The following SLC15A5 variants were observed in gnomAD, a reference collection of about 807,000 sequenced individuals.
SLC15A5 encodes the protein solute carrier family 15 member 5.
Under a neutral mutation model 56.1 loss-of-function variants are expected in SLC15A5, and 58 were observed. That is an observed-to-expected ratio of 1.03 (90% CI 0.84 to 1.29). The LOEUF is 1.29. Ranked by LOEUF, SLC15A5 falls within the 50% of genes most tolerant of loss-of-function variation. SLC15A5 has a pLI of 0.00. For missense variants in SLC15A5, 681 were observed against 672.1 expected, an observed-to-expected ratio of 1.01 and a Z score of -0.15; for synonymous variants, 264 against 250.5, an observed-to-expected ratio of 1.05 and a Z score of -0.51.
intron 2 of SLC15A5, among the ~76,000 whole-genome samples, chr12:16,262,761 T>C (rs1240526571): frequency 1.3e-5 from 2 of 152,290 alleles, no homozygotes; most frequent in South Asian, 2.1e-4. Flanking sequence ...GGGTCTTTTC[T>C]GTGATGCTCT....
intron 7 of SLC15A5, among the ~76,000 whole-genome samples, chr12:16,200,179 AAAT>A (rs1032665561): frequency 2.8e-4 from 42 of 151,124 alleles, no homozygotes; most frequent in African/African-American, 1.0e-3. Flanking sequence ...ACAAAGCTTA[AAAT>A]AATAATAATA....
intron 2 of SLC15A5, among the ~76,000 whole-genome samples, chr12:16,266,345 C>T (rs944032622): frequency 2.0e-5 from 3 of 151,604 alleles, no homozygotes; most frequent in Non-Finnish European, 4.4e-5. Flanking sequence ...CACCGTGTGA[C>T]TCTTCAGTAT....
chr12:16,224,617 T>A lies in SLC15A5; in HGVS notation c.1163-15A>T, dbSNP rs1197041794. Reference sequence around the variant, plus strand: ...ATTTCCAGCAACTGAAGGAAAATAATGCAAAAGAAAAAAAAGTTAAACGAA... The same window carrying A: ...ATTTCCAGCAACTGAAGGAAAATAAAGCAAAAGAAAAAAAAGTTAAACGAA... On this transcript the variant is annotated splice_polypyrimidine_tract_variant and intron_variant, in intron 5 of 8. Transcript: ENST00000344941. The A allele has an allele frequency of 5.3e-6, 8 of 1,517,790 alleles. No homozygotes were observed. The highest frequency in any genetic ancestry group is 4.2e-5 in the Admixed American group (2 of 47,608). 94.0% of individuals were successfully genotyped at this position (1,517,790 alleles called of 1,614,324 possible).
In SLC15A5 at chr12:16,257,864, A is replaced by G. The variant is rs529796518; in HGVS notation, c.591T>C (p.Tyr197=). ...QKTMSFFNWF[Y]WLMNLNATIV... is the part of the protein sequence containing the mutation. ...TAGTTGCATTTAGGTTCATGAGCCA[A>G]TAAAACCTGGGGTATACAGACAGAC... The change falls in exon 3 of 9, where the codon TAT becomes TAC. Residue 197 remains tyrosine (Y), a synonymous_variant. Transcript: ENST00000344941. The G allele has an allele frequency of 4.0e-4, 597 of 1,491,036 alleles. No homozygotes were observed. The highest frequency in any genetic ancestry group is 5.0e-4 in the Non-Finnish European group (561 of 1,130,720). 92.4% of individuals were successfully genotyped at this position (1,491,036 alleles called of 1,614,324 possible).
chr12:16,239,219 C>A (rs1283093837), intron 5 of SLC15A5, among the ~76,000 whole-genome samples: 1 of 144,450 alleles, frequency 6.9e-6, no homozygotes, highest in Non-Finnish European at 1.5e-5. Flanking sequence ...TGATTATGTT[C>A]TGAGAATGAT....
chr12:16,216,775 CA>C lies in SLC15A5; in HGVS notation c.1483+117del, dbSNP rs1220520739. ...TCCTATCTTAATTCTATCTTAATTG[CA>C]AAAGTGGATCAATTAAAAAAAGACT... On this transcript the variant is annotated intron_variant, in intron 7 of 8. Transcript: ENST00000344941. The C allele has an allele frequency of 1.9e-5, 16 of 837,236 alleles. No individual in the cohort carries two copies. In the East Asian group the frequency reaches 4.2e-4, roughly 22 times the overall value. The allele number at this position is 837,236 out of a possible 1,614,324, so 51.9% of individuals were successfully genotyped here.
At chr12:16,249,615 A>AC (rs767233271) in intron 3 of SLC15A5, among the ~76,000 whole-genome samples, 30 of 152,248 alleles carry the variant, frequency 2.0e-4, no homozygotes, top group Non-Finnish European at 3.5e-4. Flanking sequence ...TAATATATGG[A>AC]CTGCAATAGG....
At chr12:16,270,871 T>C (rs991950173) in intron 2 of SLC15A5, among the ~76,000 whole-genome samples, 1 of 152,136 alleles carries the variant, frequency 6.6e-6, no homozygotes, top group Non-Finnish European at 1.5e-5. Context: ...GCCTGTAGTT[T>C]AGTATTTAAA....
intron 7 of SLC15A5, among the ~76,000 whole-genome samples, chr12:16,198,963 A>G (rs1863922366): frequency 6.6e-6 from 1 of 151,980 alleles, no homozygotes; most frequent in Non-Finnish European, 1.5e-5. Context: ...CCCTGCTTTC[A>G]TTAGATAATG....
Position 16,243,277 on chromosome 12 carries a change from C to A in SLC15A5, c.975+1303G>T, listed in dbSNP as rs1053737218. On this transcript the variant is annotated intron_variant, in intron 4 of 8. Coordinates refer to ENST00000344941, the MANE Select transcript of SLC15A5 (RefSeq NM_001170798.1). The surrounding 1 kb of genome is among the most constrained non-coding windows in gnomAD (Gnocchi z 4.4). ...CCAGGCTGGAGTACAATGGCATGATCTCTGCTCACCGCAACCTCCGCCTCC... is the reference window on the plus strand; with the variant it reads ...CCAGGCTGGAGTACAATGGCATGATATCTGCTCACCGCAACCTCCGCCTCC... Among the ~76,000 whole-genome samples the A allele has an allele frequency of 6.1e-5, 9 of 147,810 alleles. No individual in the cohort carries two copies. Among genetic ancestry groups the A allele is most frequent in the African/African-American group, 2.0e-4 (8 of 40,056 alleles).
rs1864136284 is a variant in SLC15A5, at chr12:16,217,019, C to A, written c.1357G>T (p.Val453Leu). Reference sequence around the variant, plus strand: ...CTTGGAACAAATCTGTATGATATTACAGAGACTGAGAGAAAAAGAGAGGTC... The same window carrying A: ...CTTGGAACAAATCTGTATGATATTAAAGAGACTGAGAGAAAAAGAGAGGTC... The part of the protein sequence containing the change: ...AETLVNPALS[V>L]ISYRFVPSNV... Residue 453 changes from valine to leucine, a missense_variant, in exon 7 of 9, where the codon GTA becomes TTA. By Grantham distance (32) the Val-to-Leu change is conservative. Coordinates refer to ENST00000344941, the MANE Select transcript of SLC15A5 (RefSeq NM_001170798.1). 1 of 1,533,366 alleles carries A rather than the reference C, an allele frequency of 6.5e-7. No individual in the cohort carries two copies. Among genetic ancestry groups the A allele is most frequent in the Non-Finnish European group, 8.7e-7 (1 of 1,145,734 alleles). 95.0% of individuals were successfully genotyped at this position (1,533,366 alleles called of 1,614,324 possible). A position where few individuals can be genotyped will look rare whatever the true frequency, so the allele number is the denominator to read the frequency against.
chr12:16,268,270 G>T (rs548554255), intron 2 of SLC15A5, among the ~76,000 whole-genome samples: 2 of 53,520 alleles, frequency 3.7e-5, no homozygotes, highest in African/African-American at 1.5e-4. Context: ...CCAGCTACTT[G>T]GGAGGCTGAG....
intron 7 of SLC15A5, among the ~76,000 whole-genome samples, chr12:16,197,438 G>T (rs894737265): frequency 5.7e-4 from 1 of 1,748 alleles, no homozygotes; most frequent in Non-Finnish European, 2.9e-3. Context: ...ATATAGAAAG[G>T]GCATGGGCTT....
chr12:16,243,172 C>T lies in SLC15A5; in HGVS notation c.975+1408G>A, dbSNP rs566465940. On this transcript the variant is annotated intron_variant, in intron 4 of 8. Transcript: ENST00000344941. This position sits in a 1 kb window ranked among gnomAD's most constrained non-coding sequence, Gnocchi z 4.4. ...GTTCTGATAAAACTTCATTTATGGA[C>T]GCTAAAATTTAAATTTTATATATTT... 1.1e-4 allele frequency among the ~76,000 whole-genome samples: 17 copies of T among 151,196 alleles called. No individual in the cohort carries two copies. The highest frequency in any genetic ancestry group is 2.1e-4 in the South Asian group (1 of 4,792).
At chr12:16,247,769 C>A (rs750706307) in intron 3 of SLC15A5, among the ~76,000 whole-genome samples, 3 of 151,976 alleles carry the variant, frequency 2.0e-5, no homozygotes, top group Non-Finnish European at 4.4e-5. Flanking sequence ...TCAGGGGGGT[C>A]AGATCATATA....
At chr12:16,214,786 C>A (rs746944145) in intron 7 of SLC15A5, among the ~76,000 whole-genome samples, 7 of 152,198 alleles carry the variant, frequency 4.6e-5, no homozygotes, top group Non-Finnish European at 7.4e-5. Context: ...TTTCTAAGTT[C>A]TGTGAATTTT....
chr12:16,217,484 T>G (rs1249076002), intron 6 of SLC15A5, among the ~76,000 whole-genome samples: 1 of 152,154 alleles, frequency 6.6e-6, no homozygotes, highest in Non-Finnish European at 1.5e-5. Context: ...AAGATAGTAT[T>G]AAAATACCAT....
chr12:16,193,780 G>GGAGC (rs763515940), intron 8 of SLC15A5, among the ~76,000 whole-genome samples: 4,329 of 75,744 alleles, frequency 0.057, 1,142 homozygotes, highest in East Asian at 0.14. Context: ...TATGTCAAGG[G>GGAGC]GAGAGAGAGA....
Position 16,207,932 on chromosome 12 carries a change from C to T in SLC15A5, c.1483+8961G>A, listed in dbSNP as rs562018287. On this transcript the variant is annotated intron_variant, in intron 7 of 8. Transcript: ENST00000344941. Reference sequence around the variant, plus strand: ...CCTCCCAAAATGCTGGGATTACAGGCGTGAGCCACTGTGCCCGGCCAGAAC... The same window carrying T: ...CCTCCCAAAATGCTGGGATTACAGGTGTGAGCCACTGTGCCCGGCCAGAAC... 5.9e-5 allele frequency among the ~76,000 whole-genome samples: 9 copies of T among 152,242 alleles called. No individual in the cohort carries two copies. The South Asian group carries it at 1.7e-3, about 28-fold the overall frequency.
Sources: gnomAD v4.1 joint callset for allele counts (sites outside exome capture counted in the v4.1 genomes callset) on GRCh38, gnomAD v4.1.1 for gene constraint, Gnocchi (gnomAD v3.1) non-coding constraint, MANE v1.5 for transcripts, NCBI Gene and HGNC (gene_info 2026-07-23, HGNC 2026-07-21) for gene names.